RANBP17: variants seen among roughly 807,000 people sequenced by gnomAD.
The protein encoded by RANBP17 is ran-binding protein 17.
Under a neutral mutation model 141.2 loss-of-function variants are expected in RANBP17, and 158 were observed. The observed-to-expected ratio is 1.12, with a 90% CI of 0.98 to 1.28. The LOEUF (loss-of-function observed/expected upper bound fraction) is 1.28. RANBP17 is among the 50% of genes most tolerant of loss of function. RANBP17 has a pLI of 0.00. For synonymous variants in RANBP17, 430 were observed against 450.0 expected (o/e 0.96, Z 0.56); for missense variants, 1,438 against 1,290.7 (o/e 1.11, Z -1.75).
At chr5:171,187,309 A>G (rs756741492) in intron 18 of RANBP17, among the ~76,000 whole-genome samples, 9 of 152,226 alleles carry the variant, frequency 5.9e-5, no homozygotes, top group Non-Finnish European at 1.3e-4. Flanking sequence ...AGATATAATA[A>G]TAATGAAAAA....
At chr5:171,091,700 C>T (rs866166243) in intron 14 of RANBP17, among the ~76,000 whole-genome samples, 1 of 152,124 alleles carries the variant, frequency 6.6e-6, no homozygotes, top group South Asian at 2.1e-4. Context: ...CCATGCTGTT[C>T]TCATGATAGC....
In RANBP17 at chr5:171,297,376, A is replaced by C. The variant is rs191068550; in HGVS notation, c.3170+1362A>C. Among the ~76,000 whole-genome samples the C allele has an allele frequency of 4.6e-5, 7 of 152,278 alleles. No homozygotes were observed. In the South Asian group the frequency reaches 1.4e-3, roughly 32 times the overall value. The stretch of plus-strand genomic sequence containing the variant: ...CAGTAATGAATGATGGAGAAAAAGC[A>C]TGTGTTCAGGGGGCGAAAAAAAAGG... On this transcript the variant is annotated intron_variant, in intron 27 of 27. Coordinates refer to ENST00000523189, the MANE Select transcript of RANBP17 (RefSeq NM_022897.5).
chr5:171,225,923 A>G (rs77290735), intron 22 of RANBP17, among the ~76,000 whole-genome samples: 64 of 152,302 alleles, frequency 4.2e-4, no homozygotes, highest in Admixed American at 1.4e-3. Context: ...TTGCCGTTAC[A>G]GCTCAGGGTC....
chr5:171,218,663 C>T (rs911836163), intron 21 of RANBP17, among the ~76,000 whole-genome samples: 7 of 151,710 alleles, frequency 4.6e-5, no homozygotes, highest in East Asian at 1.9e-4. Flanking sequence ...TAACGCCCTT[C>T]GTTGTCTTTT....
At chr5:171,079,447 C>T (rs923371519) in intron 14 of RANBP17, among the ~76,000 whole-genome samples, 3 of 152,174 alleles carry the variant, frequency 2.0e-5, no homozygotes, top group African/African-American at 4.8e-5. Context: ...TTTTGAAAGT[C>T]GTTCTCCTGT....
chr5:170,904,679 G>GA lies in RANBP17; in HGVS notation c.490-4977dup, dbSNP rs528750881. On this transcript the variant is annotated intron_variant, in intron 5 of 27. Transcript: ENST00000523189. The stretch of plus-strand genomic sequence containing the variant: ...CCTGAACTTCAGACATTTGTCTTCA[G>GA]AAAAATCTCCCTTTCTAAAATTGAG... 4.1e-3 allele frequency among the ~76,000 whole-genome samples: 619 copies of GA among 152,228 alleles called. 5 individuals carry two copies. The highest frequency in any genetic ancestry group is 0.014 in the African/African-American group (597 of 41,560).
intron 14 of RANBP17, among the ~76,000 whole-genome samples, chr5:171,004,883 C>T (rs1779477123): frequency 1.3e-5 from 2 of 152,108 alleles, no homozygotes; most frequent in South Asian, 4.2e-4. Context: ...TGAAGGAGCC[C>T]CTGCGAGCTG....
intron 14 of RANBP17, among the ~76,000 whole-genome samples, chr5:171,102,438 T>A (rs143040173): frequency 6.6e-6 from 1 of 152,020 alleles, no homozygotes. Flanking sequence ...TTTTTTCAGC[T>A]CCATCAGGTC....
rs184120739 is a variant in RANBP17, at chr5:171,120,552, G to A, written c.1711-49578G>A. 5.3e-5 allele frequency among the ~76,000 whole-genome samples: 8 copies of A among 152,260 alleles called. No homozygotes were observed. The East Asian group carries it at 1.5e-3, about 29-fold the overall frequency. On this transcript the variant is annotated intron_variant, in intron 14 of 27. Transcript: ENST00000523189. ...TCACTCATTGACTTCTTTAGCTGTAGTCTGTTCTTTTTATGCTCTCTGTCT... is the reference window on the plus strand; with the variant it reads ...TCACTCATTGACTTCTTTAGCTGTAATCTGTTCTTTTTATGCTCTCTGTCT...
chr5:170,909,944 C>A, intron 6 of RANBP17, 179 bp downstream of exon 6: 1 of 458,820 alleles, frequency 2.2e-6, no homozygotes, highest in Non-Finnish European at 3.8e-6. Flanking sequence ...CACTTTTACT[C>A]ACTGGGCATA....
chr5:171,261,220 GT>G (rs1442914098), intron 24 of RANBP17, among the ~76,000 whole-genome samples: 3 of 151,778 alleles, frequency 2.0e-5, no homozygotes, highest in African/African-American at 7.3e-5. Flanking sequence ...CTGTATTACA[GT>G]TTTTGCCCAC....
chr5:171,037,718 C>T (rs1781971484), intron 14 of RANBP17, among the ~76,000 whole-genome samples: 1 of 152,114 alleles, frequency 6.6e-6, no homozygotes, highest in Non-Finnish European at 1.5e-5. Flanking sequence ...TGTTGAAGAT[C>T]AGATGTCTGT....
chr5:170,909,631 G>C, intron 5 of RANBP17, 30 bp from the exon 6 acceptor site: 1 of 917,148 alleles, frequency 1.1e-6, no homozygotes. Flanking sequence ...CATAGGTCTG[G>C]TTAAACTAAT....
intron 14 of RANBP17, among the ~76,000 whole-genome samples, chr5:171,084,014 G>A (rs1452174043): frequency 6.7e-6 from 1 of 149,784 alleles, no homozygotes; most frequent in East Asian, 2.0e-4. Flanking sequence ...ACATTGTGCA[G>A]GTTAGTTACA....
intron 12 of RANBP17, among the ~76,000 whole-genome samples, chr5:170,944,210 G>A (rs953389516): frequency 3.9e-5 from 6 of 152,152 alleles, no homozygotes; most frequent in African/African-American, 7.2e-5. Context: ...ATAGTTTAAC[G>A]TTTATGAGAA....
intron 10 of RANBP17, 59 bp downstream of exon 10, chr5:170,918,918 A>G: frequency 8.8e-7 from 1 of 1,138,556 alleles, no homozygotes; most frequent in Non-Finnish European, 1.2e-6. Context: ...GCTTCTTGGT[A>G]AGGGTTGGTG....
intron 14 of RANBP17, among the ~76,000 whole-genome samples, chr5:171,102,426 GT>G (rs555068112): frequency 1.4e-4 from 21 of 151,486 alleles, no homozygotes; most frequent in African/African-American, 4.8e-4. Context: ...TTCTCGTGCT[GT>G]TTTTTTCAGC....
intron 24 of RANBP17, among the ~76,000 whole-genome samples, chr5:171,263,781 G>T (rs1318117366): frequency 6.6e-6 from 1 of 152,170 alleles, no homozygotes; most frequent in Non-Finnish European, 1.5e-5. Context: ...AGGTGTTTTA[G>T]CCTGGGCATG....
intron 3 of RANBP17, among the ~76,000 whole-genome samples, chr5:170,883,162 A>G (rs755080335): frequency 5.9e-5 from 9 of 152,236 alleles, no homozygotes; most frequent in Non-Finnish European, 1.2e-4. Context: ...TGCATACTTA[A>G]GAAAGCAAAG....
Sources: gnomAD v4.1 joint callset for allele counts (sites outside exome capture counted in the v4.1 genomes callset) on GRCh38, gnomAD v4.1.1 for gene constraint, MANE v1.5 for transcripts, NCBI Gene and HGNC (gene_info 2026-07-23, HGNC 2026-07-21) for gene names.